The following TRAF2 variants were observed in gnomAD, a reference collection of about 807,000 sequenced individuals.
The protein encoded by TRAF2 is TNF receptor associated factor 2.
TRAF2 carries 6 observed loss-of-function variants against 55.6 expected under a neutral mutation model. The ratio of observed to expected loss-of-function variants is 0.11; its 90% CI spans 0.06 to 0.21. The LOEUF is 0.21. Ranked by LOEUF, TRAF2 falls within the 10% of genes least tolerant of loss-of-function variation. TRAF2 has a pLI of 1.00. For missense variants in TRAF2, 561 were observed against 684.5 expected, an observed-to-expected ratio of 0.82 and a Z score of 2.01; for synonymous variants, 329 against 276.3, an observed-to-expected ratio of 1.19 and a Z score of -1.89.
chr9:136,903,016 G>A (rs1360395465), intron 4 of TRAF2, among the ~76,000 whole-genome samples: 2 of 151,938 alleles, frequency 1.3e-5, no homozygotes, highest in Non-Finnish European at 2.9e-5. Flanking sequence ...GTCCAGGCTA[G>A]AGTGCAGTGG....
intron 1 of TRAF2, 23 bp downstream of exon 1, chr9:136,886,564 TGCGGGGTCGGGC>T (rs988295284): frequency 9.4e-6 from 9 of 961,616 alleles, no homozygotes; most frequent in African/African-American, 2.0e-5. Context: ...CGGGGTCGGG[TGCGGGGTCGGGC>T]GCGGGCGCGG....
At chr9:136,918,397 G>A (rs1048666317) in intron 7 of TRAF2, among the ~76,000 whole-genome samples, 1 of 151,438 alleles carries the variant, frequency 6.6e-6, no homozygotes, top group Non-Finnish European at 1.5e-5. Flanking sequence ...AGCCTCCCAA[G>A]TAGGTGATAA....
chr9:136,910,077 A>T, intron 6 of TRAF2, 83 bp downstream of exon 6: 1 of 1,404,536 alleles, frequency 7.1e-7, no homozygotes, highest in South Asian at 1.2e-5. Context: ...GGGGTGGGGC[A>T]GGTTATGACC....
intron 6 of TRAF2, among the ~76,000 whole-genome samples, chr9:136,910,599 G>A (rs2131312075): frequency 6.6e-6 from 1 of 152,364 alleles, no homozygotes; most frequent in East Asian, 1.9e-4. Flanking sequence ...AGCTCATCCA[G>A]AGAGGCTGAA....
At position 136,916,595 on chromosome 9, in the gene TRAF2, G is replaced by T. The variant is rs559816825; in HGVS notation, c.658G>T (p.Ala220Ser). The T allele has an allele frequency of 3.1e-6, 5 of 1,613,958 alleles. No homozygotes were observed. The East Asian group carries it at 1.1e-4, about 36-fold the overall frequency. Residue 220 changes from alanine to serine, a missense_variant, in exon 7 of 11, where the codon GCC becomes TCC. Physicochemically the swap from Ala to Ser is moderately conservative, Grantham distance 99. Around this residue, in one of 2 missense-constraint regions of TRAF2, gnomAD observed 426 missense variants for 476.8 expected, o/e 0.89. Coordinates refer to ENST00000247668, the MANE Select transcript of TRAF2 (RefSeq NM_021138.4). ...GKCRVPCRFHAIGCLETVEGE... is the reference protein window; with the variant it reads ...GKCRVPCRFHSIGCLETVEGE... ...GTGTCGAGTCCCTTGCAGATTCCAC[G>T]CCATCGGCTGCCTCGAGACGGTGAG...
intron 6 of TRAF2, among the ~76,000 whole-genome samples, chr9:136,913,086 T>C (rs992207175): frequency 6.6e-6 from 1 of 152,010 alleles, no homozygotes; most frequent in Admixed American, 6.6e-5. Context: ...GCAGTCGCAG[T>C]GAGCCAAGAT....
At chr9:136,885,041 G>A (rs1382691518), upstream of TRAF2, among the ~76,000 whole-genome samples, 2 of 152,216 alleles carry the variant, frequency 1.3e-5, no homozygotes, top group African/African-American at 4.8e-5. Context: ...AAACTCAGGG[G>A]TGATGACGTT....
chr9:136,911,029 G>GGAGGTGCCCCCGA, intron 6 of TRAF2, among the ~76,000 whole-genome samples: 1 of 152,336 alleles, frequency 6.6e-6, no homozygotes, highest in South Asian at 2.1e-4. Context: ...GGTGGGGCCT[G>GGAGGTGCCCCCGA]GAGGTGCCCC....
At chr9:136,885,387 C>G (rs1050826379), upstream of TRAF2, among the ~76,000 whole-genome samples, 2 of 152,120 alleles carry the variant, frequency 1.3e-5, no homozygotes, top group African/African-American at 4.8e-5. Flanking sequence ...AGTGCTAGCC[C>G]GTGCACCGCC....
chr9:136,895,850 GA>G lies in TRAF2; in HGVS notation c.-28-2843del, dbSNP rs56199191. On this transcript the variant is annotated intron_variant, in intron 1 of 10. Transcript: ENST00000247668. ...GACAGAGCGTAAGACTCTGTTTAAG[GA>G]AAAAAAAAAAAAAAAAAAAGGAATG... Among the ~76,000 whole-genome samples the G allele has an allele frequency of 6.4e-3, 857 of 132,882 alleles. 8 individuals carry two copies. Among genetic ancestry groups the G allele is most frequent in the African/African-American group, 0.022 (780 of 35,294 alleles). 87.2% of individuals were successfully genotyped at this position (132,882 alleles called of 152,430 possible). A position where few individuals can be genotyped will look rare whatever the true frequency, so the allele number is the denominator to read the frequency against.
At chr9:136,905,158 C>G (rs1454257596) in intron 4 of TRAF2, among the ~76,000 whole-genome samples, 1 of 152,214 alleles carries the variant, frequency 6.6e-6, no homozygotes, top group Non-Finnish European at 1.5e-5. Flanking sequence ...AGCCAGCTCT[C>G]TATGGAGCTG....
chr9:136,886,299 GC>G, upstream of TRAF2: 1 of 733,628 alleles, frequency 1.4e-6, no homozygotes, highest in Non-Finnish European at 1.7e-6. Flanking sequence ...CCGTCTCAGC[GC>G]CGACCAATCG....
At chr9:136,887,712 T>G (rs1281137854) in intron 1 of TRAF2, among the ~76,000 whole-genome samples, 1 of 152,172 alleles carries the variant, frequency 6.6e-6, no homozygotes, top group Non-Finnish European at 1.5e-5. Context: ...CTGAATGTAT[T>G]AATGGGTGGA....
chr9:136,884,484 C>T (rs544664687), upstream of TRAF2, among the ~76,000 whole-genome samples: 99 of 152,090 alleles, frequency 6.5e-4, no homozygotes, highest in African/African-American at 2.2e-3. Flanking sequence ...TTCTTGAACC[C>T]GGGAGGCAGA....
At chr9:136,917,358 T>G (rs1403947767) in intron 7 of TRAF2, among the ~76,000 whole-genome samples, 1 of 152,170 alleles carries the variant, frequency 6.6e-6, no homozygotes, top group Non-Finnish European at 1.5e-5. Context: ...CCCCAGGCAC[T>G]TGGGCACTGG....
chr9:136,891,887 A>C (rs988133363), intron 1 of TRAF2, among the ~76,000 whole-genome samples: 4 of 151,378 alleles, frequency 2.6e-5, no homozygotes, highest in Non-Finnish European at 5.9e-5. Context: ...GCACTCGGCT[A>C]ATTTTGTGTT....
chr9:136,897,373 G>A (rs950036705), intron 1 of TRAF2, among the ~76,000 whole-genome samples: 1 of 152,228 alleles, frequency 6.6e-6, no homozygotes, highest in Non-Finnish European at 1.5e-5. Flanking sequence ...GGCTTACTGA[G>A]TTCTAGTGGA....
intron 4 of TRAF2, among the ~76,000 whole-genome samples, chr9:136,906,282 T>C (rs1438268031): frequency 1.3e-5 from 2 of 152,162 alleles, no homozygotes; most frequent in African/African-American, 2.4e-5. Flanking sequence ...ATTTTCATAC[T>C]ACTATAAAGA....
chr9:136,899,406 A>G (rs1350004768), intron 2 of TRAF2, among the ~76,000 whole-genome samples, 188 bp from the exon 3 acceptor site: 1 of 152,210 alleles, frequency 6.6e-6, no homozygotes, highest in Non-Finnish European at 1.5e-5. Flanking sequence ...ACGGAGTGAT[A>G]AAAACAGTGT....
Sources: allele counts gnomAD v4.1 joint callset (sites outside exome capture counted in the v4.1 genomes callset), GRCh38; gene constraint gnomAD v4.1.1; regional missense constraint gnomAD v4.1.1; transcripts MANE v1.5; gene names NCBI Gene and HGNC (gene_info 2026-07-23, HGNC 2026-07-21).